The following KLHL35 variants were observed in gnomAD, a reference collection of about 807,000 sequenced individuals.
The protein encoded by KLHL35 is kelch like family member 35, also known as kelch-like protein 35.
KLHL35 carries 50 observed loss-of-function variants against 44.0 expected under a neutral mutation model. The observed-to-expected ratio is 1.14, with a 90% confidence interval of 0.91 to 1.44. The LOEUF (loss-of-function observed/expected upper bound fraction) is 1.44, where lower values mean the gene tolerates loss of function less well. KLHL35 is among the 40% of genes most tolerant of loss of function. KLHL35 has a pLI of 0.00. For synonymous variants in KLHL35, 470 were observed against 410.4 expected (o/e 1.15, Z -1.76); for missense variants, 1,049 against 887.8 (o/e 1.18, Z -2.31).
chr11:75,430,384 C>G lies in KLHL35; in HGVS notation c.246G>C (p.Val82=). The G allele has an allele frequency of 7.3e-7, 1 of 1,365,510 alleles. No homozygotes were observed. Among genetic ancestry groups the G allele is most frequent in the Non-Finnish European group, 9.5e-7 (1 of 1,056,482 alleles). The allele number at this position is 1,365,510 out of a possible 1,614,324, so 84.6% of individuals were successfully genotyped here. A position where few individuals can be genotyped will look rare whatever the true frequency, so the allele number is the denominator to read the frequency against. ...AGRPERGPAV[V]PVVPVAPEAP... is the part of the protein sequence containing the mutation. ...CCTCGGGAGCTACTGGCACCACTGG[C>G]ACCACGGCCGGGCCGCGCTCGGGCC... Residue 82 remains valine (V), a synonymous_variant, in exon 2 of 7, where the codon GTG becomes GTC. Coordinates refer to ENST00000539798, the MANE Select transcript of KLHL35 (RefSeq NM_001039548.3).
chr11:75,430,342 C>T lies in KLHL35; in HGVS notation c.288G>A (p.Pro96=). ...PVAPEAPGTS[P]AGAAAALAVV... is the part of the protein sequence containing the mutation. Reference sequence around the variant, plus strand: ...CGGCCAGCGCCGCCGCCGCCCCGGCCGGGCTCGTGCCTGGCGCCTCGGGAG... The same window carrying T: ...CGGCCAGCGCCGCCGCCGCCCCGGCTGGGCTCGTGCCTGGCGCCTCGGGAG... The change falls in exon 2 of 7, where the codon CCG becomes CCA. Residue 96 remains proline (P), a synonymous_variant. Transcript: ENST00000539798. The T allele has an allele frequency of 1.5e-6, 2 of 1,297,734 alleles. No homozygotes were observed. Among genetic ancestry groups the T allele is most frequent in the Non-Finnish European group, 2.0e-6 (2 of 1,022,112 alleles). The allele number at this position is 1,297,734 out of a possible 1,614,324, so 80.4% of individuals were successfully genotyped here. A position where few individuals can be genotyped will look rare whatever the true frequency, so the allele number is the denominator to read the frequency against.
Position 75,430,415 on chromosome 11 carries a change from G to A in KLHL35, c.215C>T (p.Ala72Val), listed in dbSNP as rs1360937495. The A allele has an allele frequency of 2.9e-6, 4 of 1,368,306 alleles. No homozygotes were observed. Among genetic ancestry groups the A allele is most frequent in the South Asian group, 1.5e-5 (1 of 66,574 alleles). 84.8% of individuals were successfully genotyped at this position (1,368,306 alleles called of 1,614,324 possible). A position where few individuals can be genotyped will look rare whatever the true frequency, so the allele number is the denominator to read the frequency against. Residue 72 changes from alanine (A) to valine (V), a missense_variant, in exon 2 of 7, where the codon GCC (alanine) becomes GTC (valine). Ala to Val is a moderately conservative substitution (Grantham distance 64, BLOSUM62 0). Coordinates refer to ENST00000539798, the MANE Select transcript of KLHL35 (RefSeq NM_001039548.3). ...GSAYFRSLFA[A>V]GRPERGPAVV... ...GGCCGGGCCGCGCTCGGGCCGCCCG[G>A]CCGCGAACAAGCTGCGGAAGTAGGC...
rs375619083 is a variant in KLHL35, at chr11:75,428,423, G to A, written c.1066+19C>T. 7.8e-5 allele frequency: 126 copies of A among 1,611,426 alleles called. 3 individuals carry two copies. The South Asian group carries it at 9.2e-4, about 12-fold the overall frequency. ...ACTAGTCAATCCCGTGTGAGCTCCC[G>A]TTGCGGCTCCGCCCTCACCGGAGAC... On this transcript the variant is annotated intron_variant, in intron 3 of 6. Coordinates refer to ENST00000539798, the MANE Select transcript of KLHL35 (RefSeq NM_001039548.3).
intron 3 of KLHL35, among the ~76,000 whole-genome samples, chr11:75,427,890 C>T (rs1358265148): frequency 3.9e-5 from 6 of 152,232 alleles, no homozygotes; most frequent in Non-Finnish European, 1.5e-5. Flanking sequence ...ATTCTGATCA[C>T]ATTCTGCCTG....
At chr11:75,426,363 T>G in intron 4 of KLHL35, 157 bp downstream of exon 4, 1 of 555,698 alleles carries the variant, frequency 1.8e-6, no homozygotes, top group Non-Finnish European at 3.2e-6. Flanking sequence ...GCTATTATTA[T>G]TAGCATCAGC....
chr11:75,430,110 A>T lies in KLHL35; in HGVS notation c.520T>A (p.Cys174Ser). The T allele has an allele frequency of 7.7e-7, 1 of 1,291,862 alleles. No individual in the cohort carries two copies. The highest frequency in any genetic ancestry group is 2.3e-5 in the South Asian group (1 of 43,886). 80.0% of individuals were successfully genotyped at this position (1,291,862 alleles called of 1,614,324 possible). Reference protein sequence around the residue: ...AFSLAPLAERCGRVLRQAFAE... With the variant: ...AFSLAPLAERSGRVLRQAFAE... ...AAGGCCTGACGCAGGACGCGGCCGCAGCGCTCGGCCAGCGGGGCCAGCGAG... is the reference window on the plus strand; with the variant it reads ...AAGGCCTGACGCAGGACGCGGCCGCTGCGCTCGGCCAGCGGGGCCAGCGAG... Residue 174 changes from cysteine (C) to serine (S), a missense_variant, in exon 2 of 7, where the codon TGC becomes AGC. Coordinates refer to ENST00000539798, the MANE Select transcript of KLHL35 (RefSeq NM_001039548.3).
At chr11:75,428,877 A>C (rs899121776) in intron 2 of KLHL35, among the ~76,000 whole-genome samples, 11 of 152,172 alleles carry the variant, frequency 7.2e-5, no homozygotes, top group South Asian at 2.1e-4. Context: ...AAATCTTTAC[A>C]GAGCCCTTGC....
rs777469066 is a variant in KLHL35, at chr11:75,425,448, G to A, written c.1319C>T (p.Ala440Val). Residue 440 changes from alanine to valine, a missense_variant, in exon 5 of 7, where the codon GCG becomes GTG. By Grantham distance (64) the Ala-to-Val change is moderately conservative (BLOSUM62 0). Transcript: ENST00000539798. Reference sequence around the variant, plus strand: ...GCCCCCAATCACGAAGAGCTTGCCCGCGCAGGACGCCACCGCCGCCGAGCT... The same window carrying A: ...GCCCCCAATCACGAAGAGCTTGCCCACGCAGGACGCCACCGCCGCCGAGCT... The part of the protein sequence containing the change: ...AVSSAAVASC[A>V]GKLFVIGGAR... 8 of 1,571,056 alleles carry A rather than the reference G, an allele frequency of 5.1e-6. No homozygotes were observed. The South Asian group carries it at 6.9e-5, about 14-fold the overall frequency.
intron 2 of KLHL35, among the ~76,000 whole-genome samples, chr11:75,428,958 C>G (rs939142463): frequency 4.6e-5 from 7 of 152,230 alleles, no homozygotes; most frequent in Admixed American, 1.3e-4. Flanking sequence ...ACCCCTTTCT[C>G]AGGGGAGGAA....
At position 75,425,488 on chromosome 11, in the gene KLHL35, G is replaced by GGGGCGCGGC. The variant is rs1377381034; in HGVS notation, c.1270_1278dup (p.Ala424_Pro426dup). 1 of 1,564,740 alleles carries GGGGCGCGGC rather than the reference G, an allele frequency of 6.4e-7. No individual in the cohort carries two copies. Among genetic ancestry groups the GGGGCGCGGC allele is most frequent in the Non-Finnish European group, 8.6e-7 (1 of 1,162,456 alleles). On this transcript the variant is annotated inframe_insertion, in exon 5 of 7. Coordinates refer to ENST00000539798, the MANE Select transcript of KLHL35 (RefSeq NM_001039548.3). ...GCCGCCGAGCTCACGGCCTCCGGGA[G>GGGGCGCGGC]GGGCGCGGCGGCCGCCCAGGTGTTG...
intron 4 of KLHL35, 121 bp from the exon 5 acceptor site, chr11:75,425,702 G>T: frequency 1.1e-6 from 1 of 902,074 alleles, no homozygotes; most frequent in Non-Finnish European, 1.5e-6. Flanking sequence ...CCAGTTTCAG[G>T]ACCAAACTGA....
rs1334164480 is a variant in KLHL35, at chr11:75,422,617, T to C, written c.1715A>G (p.His572Arg). The change falls in exon 7 of 7, where the codon CAC becomes CGC. Residue 572 changes from histidine to arginine, a missense_variant. Physicochemically the swap from His to Arg is conservative, Grantham distance 29. Coordinates refer to ENST00000539798, the MANE Select transcript of KLHL35 (RefSeq NM_001039548.3). ...GCTCTGGATGATGGTGACACAGCCG[T>C]GGGAGCTGGTGCAGCGCTGCAGGGA... ...QPSLQRCTSS[H>R]GCVTIIQSLG... 5.0e-6 allele frequency: 8 copies of C among 1,613,654 alleles called. No homozygotes were observed. Among genetic ancestry groups the C allele is most frequent in the Admixed American group, 1.7e-5 (1 of 60,002 alleles).
At chr11:75,427,902 C>G (rs1053912314) in intron 3 of KLHL35, among the ~76,000 whole-genome samples, 1 of 152,192 alleles carries the variant, frequency 6.6e-6, no homozygotes, top group African/African-American at 2.4e-5. Context: ...TTCTGCCTGG[C>G]AGTAAAAGTG....
chr11:75,423,806 C>G lies in KLHL35; in HGVS notation c.1449G>C (p.Glu483Asp), dbSNP rs769123513. The change falls in exon 6 of 7, where the codon GAG becomes GAC. Residue 483 changes from glutamate (E) to aspartate (D), a missense_variant. By Grantham distance (45) the Glu-to-Asp change is conservative. Coordinates refer to ENST00000539798, the MANE Select transcript of KLHL35 (RefSeq NM_001039548.3). Reference protein sequence around the residue: ...SPAPFSQRCLEAVSLEDTIYV... With the variant: ...SPAPFSQRCLDAVSLEDTIYV... Reference sequence around the variant, plus strand: ...AGATGGTGTCCTCAAGGGAGACAGCCTCGAGACACCGCTGTGAGAAGGGTG... The same window carrying G: ...AGATGGTGTCCTCAAGGGAGACAGCGTCGAGACACCGCTGTGAGAAGGGTG... 1 of 1,613,758 alleles carries G rather than the reference C, an allele frequency of 6.2e-7. No individual in the cohort carries two copies.
chr11:75,430,223 G>C lies in KLHL35; in HGVS notation c.407C>G (p.Ala136Gly). ...VLALAERLGV[A>G]GLREACVRFL... Reference sequence around the variant, plus strand: ...GCGCACGCAGGCCTCGCGCAGGCCCGCCACGCCCAGCCGCTCCGCCAGCGC... The same window carrying C: ...GCGCACGCAGGCCTCGCGCAGGCCCCCCACGCCCAGCCGCTCCGCCAGCGC... Residue 136 changes from alanine (A) to glycine (G), a missense_variant, in exon 2 of 7, where the codon GCG becomes GGG. Ala to Gly is a moderately conservative substitution (Grantham distance 60). Transcript: ENST00000539798. 1 of 1,219,556 alleles carries C rather than the reference G, an allele frequency of 8.2e-7. No individual in the cohort carries two copies. Among genetic ancestry groups the C allele is most frequent in the Non-Finnish European group, 1.0e-6 (1 of 976,628 alleles). 75.5% of individuals were successfully genotyped at this position (1,219,556 alleles called of 1,614,324 possible).
chr11:75,426,878 G>T, intron 3 of KLHL35: 2 of 384,860 alleles, frequency 5.2e-6, no homozygotes, highest in Non-Finnish European at 9.7e-6. Flanking sequence ...GAAGGGGCTG[G>T]TTTTCGCCGG....
intron 5 of KLHL35, 80 bp downstream of exon 5, chr11:75,425,313 G>A: frequency 1.4e-6 from 2 of 1,388,400 alleles, no homozygotes; most frequent in Non-Finnish European, 1.9e-6. Flanking sequence ...ACAAGGGCAT[G>A]GAAACGCCCA....
intron 3 of KLHL35, 140 bp from the exon 4 acceptor site, chr11:75,426,778 C>A: frequency 1.8e-6 from 1 of 567,552 alleles, no homozygotes; most frequent in Non-Finnish European, 3.2e-6. Flanking sequence ...TGGTGTAAGA[C>A]TCTGGACCTG....
At chr11:75,426,819 A>G (rs1781495171) in intron 3 of KLHL35, 181 bp from the exon 4 acceptor site, 1 of 503,022 alleles carries the variant, frequency 2.0e-6, no homozygotes, top group African/African-American at 1.9e-5. Context: ...AAGTGGTGGG[A>G]ATGTCTGAGT....
Sources: allele counts gnomAD v4.1 joint callset (sites outside exome capture counted in the v4.1 genomes callset), GRCh38; gene constraint gnomAD v4.1.1; transcripts MANE v1.5; gene names NCBI Gene and HGNC (gene_info 2026-07-23, HGNC 2026-07-21).